The following TNNI3K variants were observed in gnomAD, a reference collection of about 807,000 sequenced individuals.
TNNI3K encodes the protein TNNI3 interacting kinase, also known as serine/threonine-protein kinase TNNI3K.
A neutral mutation model predicts 114.5 loss-of-function variants in TNNI3K; 140 were observed. The ratio of observed to expected loss-of-function variants is 1.22; its 90% CI spans 1.07 to 1.41. TNNI3K has a LOEUF of 1.41. Among genes scored for constraint, TNNI3K ranks in the 40% most tolerant of loss-of-function variants. The pLI is 0.00. For synonymous variants in TNNI3K, 347 were observed against 347.5 expected (o/e 1.00, Z 0.02); for missense variants, 1,125 against 1,007.6 (o/e 1.12, Z -1.58).
rs546876213 is a variant in TNNI3K, at chr1:74,508,401, T to A, written c.2351+16135T>A. ...TTAATCTTCATAAAAATAAAGAAGG[T>A]ATTATGATTTTTTCAATTTCACAGA... On this transcript the variant is annotated intron_variant, in intron 23 of 24. Coordinates refer to ENST00000326637, the MANE Select transcript of TNNI3K (RefSeq NM_015978.3). Among the ~76,000 whole-genome samples the A allele has an allele frequency of 7.9e-5, 12 of 152,286 alleles. No individual in the cohort carries two copies. In the South Asian group the frequency reaches 1.2e-3, roughly 16 times the overall value.
chr1:74,343,021 G>C, intron 8 of TNNI3K, 35 bp downstream of exon 8: 1 of 1,613,546 alleles, frequency 6.2e-7, no homozygotes, highest in Non-Finnish European at 8.5e-7. Context: ...GGTTCTCCAG[G>C]TATACTGCAT....
intron 17 of TNNI3K, among the ~76,000 whole-genome samples, chr1:74,390,674 A>G (rs1054589427): frequency 1.3e-5 from 2 of 152,160 alleles, no homozygotes; most frequent in African/African-American, 4.8e-5. Flanking sequence ...AGTGGGTAGG[A>G]GAGGTAGGGC....
At chr1:74,365,488 G>A (rs1004681129) in intron 11 of TNNI3K, among the ~76,000 whole-genome samples, 1 of 152,010 alleles carries the variant, frequency 6.6e-6, no homozygotes, top group African/African-American at 2.4e-5. Flanking sequence ...TGCACTTCAA[G>A]TGATTCTTAT....
intron 2 of TNNI3K, among the ~76,000 whole-genome samples, chr1:74,238,745 T>C (rs981802338): frequency 2.6e-5 from 4 of 151,986 alleles, no homozygotes; most frequent in Non-Finnish European, 5.9e-5. Context: ...GAAAGACCAA[T>C]AGCCTGATGC....
intron 20 of TNNI3K, among the ~76,000 whole-genome samples, chr1:74,450,918 A>G (rs1376971816): frequency 6.6e-6 from 1 of 152,154 alleles, no homozygotes; most frequent in Non-Finnish European, 1.5e-5. Flanking sequence ...AAGGAATATA[A>G]ATCATTCTAT....
chr1:74,491,360 C>T (rs1217463928), intron 22 of TNNI3K, among the ~76,000 whole-genome samples: 1 of 152,224 alleles, frequency 6.6e-6, no homozygotes, highest in Admixed American at 6.5e-5. Context: ...GCTGGGACTA[C>T]AGGTGCGTGC....
intron 21 of TNNI3K, 84 bp from the exon 22 acceptor site, chr1:74,489,105 A>G: frequency 1.8e-6 from 2 of 1,119,254 alleles, no homozygotes. Flanking sequence ...ATTCTTTACA[A>G]ATGCTAATAC....
intron 17 of TNNI3K, among the ~76,000 whole-genome samples, chr1:74,407,013 C>G (rs533114716): frequency 1.3e-5 from 2 of 152,298 alleles, no homozygotes; most frequent in South Asian, 4.1e-4. Flanking sequence ...CCCATCCAAG[C>G]CTTCCAACAA....
At chr1:74,465,313 G>C (rs45581035) in intron 21 of TNNI3K, among the ~76,000 whole-genome samples, 2,087 of 152,306 alleles carry the variant, frequency 0.014, 40 homozygotes, top group African/African-American at 0.048. Flanking sequence ...CTGGCGCTCG[G>C]GTGCCAGCAT....
At chr1:74,472,516 G>A (rs1667985447) in intron 21 of TNNI3K, among the ~76,000 whole-genome samples, 1 of 152,090 alleles carries the variant, frequency 6.6e-6, no homozygotes, top group Non-Finnish European at 1.5e-5. Context: ...TGAATAGTAT[G>A]TAAATCCTTT....
intron 17 of TNNI3K, among the ~76,000 whole-genome samples, chr1:74,432,109 G>A (rs566137226): frequency 6.6e-6 from 1 of 152,170 alleles, no homozygotes; most frequent in South Asian, 2.1e-4. Context: ...CACAGCTTAT[G>A]TGTACATGTT....
rs78666897 is a variant in TNNI3K at position 74,433,789 on chromosome 1, T to C, written c.1773-2291T>C. Among the ~76,000 whole-genome samples, 983 of 152,194 alleles carry C rather than the reference T, an allele frequency of 6.5e-3. 20 individuals carry two copies. Among genetic ancestry groups the C allele is most frequent in the East Asian group, 0.06 (309 of 5,156 alleles). On this transcript the variant is annotated intron_variant, in intron 17 of 24. Coordinates refer to ENST00000326637, the MANE Select transcript of TNNI3K (RefSeq NM_015978.3). ...TAATCTTGCCAAGCATAACTCTGAC[T>C]CAAGTTCCACAGACTCCCAACTAAG...
chr1:74,376,750 T>C (rs927458307), intron 17 of TNNI3K: 2 of 151,958 alleles, frequency 1.3e-5, no homozygotes, highest in Admixed American at 1.3e-4. Flanking sequence ...CATAACACTT[T>C]TTCCAGCAGA....
At chr1:74,343,247 G>C (rs1396079616) in intron 9 of TNNI3K, 68 bp downstream of exon 9, 1 of 1,501,586 alleles carries the variant, frequency 6.7e-7, no homozygotes, top group Non-Finnish European at 9.0e-7. Context: ...GAAGTTGTGG[G>C]TATAAAGCAA....
chr1:74,253,751 C>G (rs1393661621), intron 4 of TNNI3K, among the ~76,000 whole-genome samples: 1 of 152,114 alleles, frequency 6.6e-6, no homozygotes, highest in Non-Finnish European at 1.5e-5. Context: ...CCCCGCAGGC[C>G]GAGGGAGCCA....
intron 5 of TNNI3K, among the ~76,000 whole-genome samples, chr1:74,293,752 A>G (rs1337335760): frequency 6.6e-6 from 1 of 151,666 alleles, no homozygotes; most frequent in Non-Finnish European, 1.5e-5. Context: ...GACCTGTTTT[A>G]TTCCTGATTT....
chr1:74,356,264 A>G (rs765832589), intron 11 of TNNI3K, among the ~76,000 whole-genome samples: 5 of 152,162 alleles, frequency 3.3e-5, no homozygotes, highest in Non-Finnish European at 7.3e-5. Context: ...CAATTTTTTA[A>G]TTCATTCTAC....
intron 5 of TNNI3K, among the ~76,000 whole-genome samples, chr1:74,316,595 A>G (rs516569): frequency 0.053 from 8,060 of 152,026 alleles, 293 homozygotes; most frequent in South Asian, 0.12. Context: ...TCTGGTTCAA[A>G]TGTAGTTTTC....
Position 74,353,298 on chromosome 1 carries a change from T to G in TNNI3K, c.965T>G (p.Val322Gly), listed in dbSNP as rs1259909842. ...ACCTATGGCAAGAGCATTGACCTAG[T>G]CAAATTTCTTCTTGATCAGAATGTC... ...ACTYGKSIDL[V>G]KFLLDQNVIN... The change falls in exon 10 of 25, where the codon GTC becomes GGC. Residue 322 changes from valine to glycine, a missense_variant. Transcript: ENST00000326637. 2.0e-5 allele frequency: 33 copies of G among 1,613,628 alleles called. No individual in the cohort carries two copies. Among genetic ancestry groups the G allele is most frequent in the Non-Finnish European group, 2.7e-5 (32 of 1,179,912 alleles).
Sources: gnomAD v4.1 joint callset for allele counts (sites outside exome capture counted in the v4.1 genomes callset) on GRCh38, gnomAD v4.1.1 for gene constraint, MANE v1.5 for transcripts, NCBI Gene and HGNC (gene_info 2026-07-23, HGNC 2026-07-21) for gene names.